The following HAAO variants were observed in gnomAD, a reference collection of about 807,000 sequenced individuals.
HAAO encodes 3-hydroxyanthranilate 3,4-dioxygenase.
Under a neutral mutation model 46.2 loss-of-function variants are expected in HAAO, and 49 were observed. The observed-to-expected ratio is 1.06, with a 90% CI of 0.84 to 1.34. HAAO has a LOEUF of 1.34. Ranked by LOEUF, HAAO falls within the 40% of genes most tolerant of loss-of-function variation. The pLI is 0.00. For missense variants in HAAO, 408 were observed against 364.5 expected (o/e 1.12, Z -0.97); for synonymous variants, 157 against 145.2 (o/e 1.08, Z -0.58).
chr2:42,767,262 G>A lies in HAAO; in HGVS notation c.*175C>T, dbSNP rs1049386755. 4 of 628,618 alleles carry A rather than the reference G, an allele frequency of 6.4e-6. No homozygotes were observed. The highest frequency in any genetic ancestry group is 1.8e-5 in the African/African-American group (1 of 55,278). 38.9% of individuals were successfully genotyped at this position (628,618 alleles called of 1,614,324 possible). A position where few individuals can be genotyped will look rare whatever the true frequency, so the allele number is the denominator to read the frequency against. ...GATGGGGAGCTGCTGCCCGCCCAGG[G>A]GCATGGCATCTGGGCTGAGAAGGGC... On this transcript the variant is annotated 3_prime_UTR_variant, in exon 10 of 10. Transcript: ENST00000294973.
At chr2:42,781,663 A>C (rs1306871901) in intron 4 of HAAO, among the ~76,000 whole-genome samples, 1 of 152,224 alleles carries the variant, frequency 6.6e-6, no homozygotes, top group East Asian at 1.9e-4. Context: ...ACCTGAGGTC[A>C]GGAGTTCGAG....
At chr2:42,770,070 C>G in intron 6 of HAAO, 73 bp downstream of exon 6, 7 of 1,426,068 alleles carry the variant, frequency 4.9e-6, no homozygotes, top group Non-Finnish European at 6.8e-6. Flanking sequence ...ACTCCCCGGT[C>G]CCCTGGACCA....
chr2:42,777,037 C>A (rs1368062061), intron 4 of HAAO, among the ~76,000 whole-genome samples: 1 of 151,814 alleles, frequency 6.6e-6, no homozygotes, highest in African/African-American at 2.4e-5. Flanking sequence ...CATGGTGGCT[C>A]ACACCTGTAA....
intron 7 of HAAO, 116 bp from the exon 8 acceptor site, chr2:42,768,044 G>A: frequency 3.6e-6 from 3 of 840,196 alleles, no homozygotes; most frequent in Admixed American, 2.0e-5. Context: ...CCATGAAACA[G>A]CCCCATCACC....
chr2:42,776,481 G>A (rs866987597), intron 4 of HAAO, among the ~76,000 whole-genome samples: 6 of 151,530 alleles, frequency 4.0e-5, no homozygotes, highest in East Asian at 3.9e-4. Context: ...CAGATGATCC[G>A]CCTGCCTCTG....
intron 1 of HAAO, among the ~76,000 whole-genome samples, chr2:42,792,028 C>T (rs963817979): frequency 7.9e-5 from 12 of 152,120 alleles, no homozygotes; most frequent in Admixed American, 6.5e-4. Flanking sequence ...CCCCCTTTGC[C>T]TGTGGCTTCT....
chr2:42,791,923 G>GTGTGTGTGT (rs3040147), intron 1 of HAAO, among the ~76,000 whole-genome samples: 16,926 of 150,176 alleles, frequency 0.11, 1,108 homozygotes, highest in South Asian at 0.17. Context: ...GGTCTGGTGT[G>GTGTGTGTGT]GTGTGTGTGT....
chr2:42,782,933 C>T, intron 4 of HAAO: 1 of 458,598 alleles, frequency 2.2e-6, no homozygotes, highest in Non-Finnish European at 4.3e-6. Context: ...GGGCACATGT[C>T]ATCAGGACCT....
At chr2:42,780,911 CAAA>C (rs35424652) in intron 4 of HAAO, among the ~76,000 whole-genome samples, 7 of 130,308 alleles carry the variant, frequency 5.4e-5, no homozygotes, top group African/African-American at 6.0e-5. Context: ...ACTAAAAATA[CAAA>C]AAAAAAAAAA....
At chr2:42,774,933 G>A (rs1031000075) in intron 4 of HAAO, among the ~76,000 whole-genome samples, 13 of 139,576 alleles carry the variant, frequency 9.3e-5, no homozygotes, top group Non-Finnish European at 1.8e-4. Flanking sequence ...TAAATTTCCC[G>A]TCCCTCCCCA....
At chr2:42,780,637 T>G (rs942116437) in intron 4 of HAAO, among the ~76,000 whole-genome samples, 2 of 152,152 alleles carry the variant, frequency 1.3e-5, no homozygotes, top group Non-Finnish European at 2.9e-5. Context: ...AGGAGTAAAC[T>G]AAGTAAACTG....
chr2:42,787,446 G>A (rs1672470864), intron 2 of HAAO, among the ~76,000 whole-genome samples: 1 of 152,130 alleles, frequency 6.6e-6, no homozygotes, highest in South Asian at 2.1e-4. Flanking sequence ...TTTTCCTATT[G>A]ACTTTTTCCA....
chr2:42,776,631 T>G (rs1200065756), intron 4 of HAAO, among the ~76,000 whole-genome samples: 2 of 149,994 alleles, frequency 1.3e-5, no homozygotes, highest in Non-Finnish European at 3.0e-5. Context: ...CTGAGTTGTT[T>G]CCTTTTTTTT....
chr2:42,771,625 C>T (rs938269416), intron 4 of HAAO, among the ~76,000 whole-genome samples: 2 of 152,178 alleles, frequency 1.3e-5, no homozygotes, highest in Non-Finnish European at 2.9e-5. Flanking sequence ...CACCCCAGCC[C>T]CCAGCCTGGC....
intron 7 of HAAO, among the ~76,000 whole-genome samples, chr2:42,768,779 G>A (rs776064284): frequency 2.0e-5 from 3 of 152,154 alleles, no homozygotes; most frequent in African/African-American, 4.8e-5. Flanking sequence ...GTTGTCTTTA[G>A]GACAAGTCCT....
chr2:42,774,948 C>A (rs1671429079), intron 4 of HAAO, among the ~76,000 whole-genome samples: 1 of 150,862 alleles, frequency 6.6e-6, no homozygotes, highest in South Asian at 2.1e-4. Flanking sequence ...TCCCCACCAA[C>A]ACACACACAC....
Position 42,783,508 on chromosome 2 carries a change from AC to A in HAAO, c.244-89del. On this transcript the variant is annotated intron_variant, in intron 3 of 9. Transcript: ENST00000294973. ...CCAACATCCTGGGCATCCCCAGCTG[AC>A]CCCCGGGCAGCAAAGGGGTACTGCT... is the stretch of plus-strand genomic sequence containing the variant. 3.5e-6 allele frequency: 3 copies of A among 852,786 alleles called. No individual in the cohort carries two copies. The Admixed American group carries it at 6.2e-5, about 18-fold the overall frequency. 52.8% of individuals were successfully genotyped at this position (852,786 alleles called of 1,614,324 possible). A position where few individuals can be genotyped will look rare whatever the true frequency, so the allele number is the denominator to read the frequency against.
Position 42,768,197 on chromosome 2 carries a change from TC to T in HAAO, c.631-270del, listed in dbSNP as rs554672815. On this transcript the variant is annotated intron_variant, in intron 7 of 9. Coordinates refer to ENST00000294973, the MANE Select transcript of HAAO (RefSeq NM_012205.3). ...CACCCGTGGTCCCTCTGATGTGTGC[TC>T]ATGCGAAGGCATGCTCACCAGGGCA... Among the ~76,000 whole-genome samples, 415 of 152,334 alleles carry T rather than the reference TC, an allele frequency of 2.7e-3. 3 individuals are homozygous for T. The highest frequency in any genetic ancestry group is 9.5e-3 in the African/African-American group (396 of 41,566).
intron 7 of HAAO, among the ~76,000 whole-genome samples, chr2:42,769,495 C>T (rs1278938695): frequency 1.3e-5 from 2 of 152,224 alleles, no homozygotes; most frequent in Non-Finnish European, 2.9e-5. Context: ...ACAGACTTCA[C>T]TCGGAGCAGA....
Sources: gnomAD v4.1 joint callset for allele counts (sites outside exome capture counted in the v4.1 genomes callset) on GRCh38, gnomAD v4.1.1 for gene constraint, MANE v1.5 for transcripts, NCBI Gene and HGNC (gene_info 2026-07-23, HGNC 2026-07-21) for gene names.